The following CCDC3 variants were observed in gnomAD, a reference collection of about 807,000 sequenced individuals.
CCDC3 encodes coiled-coil domain-containing protein 3.
CCDC3 carries 24 observed loss-of-function variants against 21.4 expected under a neutral mutation model. The observed-to-expected ratio is 1.12, with a 90% confidence interval of 0.81 to 1.58. The LOEUF (loss-of-function observed/expected upper bound fraction) is 1.58. Among genes scored for constraint, CCDC3 ranks in the 40% most tolerant of loss-of-function variants. The pLI, the probability that CCDC3 is intolerant of heterozygous loss-of-function variation, is 0.00. For synonymous variants in CCDC3, 186 were observed against 166.0 expected (o/e 1.12, Z -0.93); for missense variants, 425 against 360.9 (o/e 1.18, Z -1.44).
At chr10:13,044,248 G>A (rs951988474) in intron 5 of CCDC3, among the ~76,000 whole-genome samples, 4 of 152,130 alleles carry the variant, frequency 2.6e-5, no homozygotes, top group Admixed American at 6.6e-5. Context: ...TATAGATTCC[G>A]GATATTAGGC....
intron 4 of CCDC3, among the ~76,000 whole-genome samples, chr10:13,067,818 T>A (rs1836839907): frequency 6.6e-6 from 1 of 152,234 alleles, no homozygotes; most frequent in African/African-American, 2.4e-5. Flanking sequence ...TTGGCACGGC[T>A]AGTTGGGTAA....
At chr10:13,072,405 G>A (rs1247628897) in intron 4 of CCDC3, among the ~76,000 whole-genome samples, 2 of 152,178 alleles carry the variant, frequency 1.3e-5, no homozygotes, top group Non-Finnish European at 2.9e-5. Context: ...TTAGAGGGGG[G>A]AATAAGACAG....
intron 3 of CCDC3, among the ~76,000 whole-genome samples, chr10:13,081,656 T>C (rs1338761511): frequency 1.3e-5 from 2 of 152,204 alleles, no homozygotes; most frequent in African/African-American, 2.4e-5. Context: ...GTTACTACTT[T>C]TAATGCCTGT....
chr10:12,992,658 G>A (rs990623987), intron 2 of CCDC3, among the ~76,000 whole-genome samples: 1 of 152,080 alleles, frequency 6.6e-6, no homozygotes, highest in African/African-American at 2.4e-5. Context: ...GGTGGGAAGG[G>A]TGGGAGAGGG....
intron 2 of CCDC3, among the ~76,000 whole-genome samples, chr10:12,974,458 C>T (rs548381718): frequency 6.6e-5 from 10 of 152,298 alleles, no homozygotes; most frequent in East Asian, 1.9e-4. Context: ...GGGCTGACTG[C>T]GGGTTGACTG....
In CCDC3 at chr10:12,979,384, A is replaced by G. The variant is rs56159603; in HGVS notation, c.549+18954T>C. On this transcript the variant is annotated intron_variant, in intron 2 of 2. Transcript: ENST00000378825. ...TCCCTTTCAAATACAGAAGCTCCCCAAACCCTCTGTCTTTGTTTTTGGTTT... is the reference window on the plus strand; with the variant it reads ...TCCCTTTCAAATACAGAAGCTCCCCGAACCCTCTGTCTTTGTTTTTGGTTT... Among the ~76,000 whole-genome samples, 161 of 151,570 alleles carry G rather than the reference A, an allele frequency of 1.1e-3. 1 individual carries two copies. Among genetic ancestry groups the G allele is most frequent in the African/African-American group, 3.8e-3 (156 of 41,300 alleles).
chr10:13,090,725 G>T (rs1308476309), intron 3 of CCDC3, among the ~76,000 whole-genome samples: 1 of 152,188 alleles, frequency 6.6e-6, no homozygotes, highest in Non-Finnish European at 1.5e-5. Context: ...GCAGGTGAGG[G>T]TATTAGGAGG....
At chr10:12,985,842 A>C (rs980481245) in intron 2 of CCDC3, among the ~76,000 whole-genome samples, 1 of 152,152 alleles carries the variant, frequency 6.6e-6, no homozygotes, top group African/African-American at 2.4e-5. Context: ...TGGTGGGGTT[A>C]CCAAAAGACA....
chr10:13,017,309 G>A (rs974044734), intron 5 of CCDC3, among the ~76,000 whole-genome samples: 1 of 151,892 alleles, frequency 6.6e-6, no homozygotes, highest in African/African-American at 2.4e-5. Context: ...CTGAGATCAA[G>A]AGTTTGCAAC....
At chr10:12,928,637 T>A (rs1022662860) in intron 2 of CCDC3, among the ~76,000 whole-genome samples, 7 of 152,202 alleles carry the variant, frequency 4.6e-5, no homozygotes, top group Non-Finnish European at 8.8e-5. Flanking sequence ...GGCTAAGTCG[T>A]AACAATCATC....
intron 2 of CCDC3, among the ~76,000 whole-genome samples, chr10:12,931,589 G>A (rs1834644251): frequency 6.6e-6 from 1 of 152,210 alleles, no homozygotes; most frequent in Non-Finnish European, 1.5e-5. Context: ...CAGAGGCCGT[G>A]GCTACCCTGA....
chr10:13,073,856 A>G (rs1588415575), intron 4 of CCDC3: 1 of 152,106 alleles, frequency 6.6e-6, no homozygotes, highest in African/African-American at 2.4e-5. Flanking sequence ...CAGGTCTACC[A>G]TTCCAACTCA....
intron 2 of CCDC3, among the ~76,000 whole-genome samples, chr10:12,948,738 T>G (rs1463217351): frequency 1.4e-5 from 2 of 140,706 alleles, no homozygotes; most frequent in African/African-American, 2.6e-5. Context: ...GTTTTTTTTT[T>G]TTTTTTTTTT....
chr10:12,957,835 T>C (rs572646800), intron 2 of CCDC3, among the ~76,000 whole-genome samples: 21 of 152,258 alleles, frequency 1.4e-4, no homozygotes, highest in African/African-American at 4.1e-4. Flanking sequence ...TTAAACCTCT[T>C]TTCTTGTCTT....
intron 2 of CCDC3, among the ~76,000 whole-genome samples, chr10:12,952,776 C>T (rs1178703954): frequency 1.3e-5 from 2 of 152,166 alleles, no homozygotes; most frequent in African/African-American, 4.8e-5. Flanking sequence ...GGTGTGACCT[C>T]AAAGCCTTCC....
intron 5 of CCDC3, among the ~76,000 whole-genome samples, chr10:13,040,752 T>A (rs1836443698): frequency 6.7e-6 from 1 of 148,534 alleles, no homozygotes; most frequent in African/African-American, 2.5e-5. Flanking sequence ...AGCCAACCAA[T>A]GAGGACAGGT....
chr10:13,089,146 A>G (rs28710007), intron 3 of CCDC3, among the ~76,000 whole-genome samples: 30,684 of 152,122 alleles, frequency 0.2, 3,655 homozygotes, highest in East Asian at 0.31. Flanking sequence ...GACCATATAA[A>G]ATACATCTTA....
intron 2 of CCDC3, among the ~76,000 whole-genome samples, chr10:12,943,052 A>G (rs746361526): frequency 1.3e-5 from 2 of 152,054 alleles, no homozygotes; most frequent in African/African-American, 4.8e-5. Flanking sequence ...ATTTTTTTCT[A>G]TCTTCAGATG....
At chr10:12,974,692 C>T (rs1010206216) in intron 2 of CCDC3, among the ~76,000 whole-genome samples, 4 of 152,166 alleles carry the variant, frequency 2.6e-5, no homozygotes, top group African/African-American at 9.7e-5. Context: ...TGGGCTGTAT[C>T]CTCCCCGGCC....
Sources: gnomAD v4.1 joint callset for allele counts (sites outside exome capture counted in the v4.1 genomes callset) on GRCh38, gnomAD v4.1.1 for gene constraint, MANE v1.5 for transcripts, NCBI Gene and HGNC (gene_info 2026-07-23, HGNC 2026-07-21) for gene names.